Variants in DLGAP1 observed in about 807,000 individuals in gnomAD.
DLGAP1 encodes disks large-associated protein 1.
In DLGAP1, 11 loss-of-function variants were observed where a neutral mutation model predicts 90.8. The observed-to-expected ratio is 0.12, with a 90% CI of 0.08 to 0.20. DLGAP1 has a LOEUF of 0.20. Ranked by LOEUF, DLGAP1 falls within the 10% of genes least tolerant of loss-of-function variation. The pLI is 1.00. For missense variants in DLGAP1, 1,050 were observed against 1,333.8 expected (o/e 0.79, Z 3.31); for synonymous variants, 558 against 540.7 (o/e 1.03, Z -0.44).
At chr18:4,311,498 T>C (rs995792003) in intron 1 of DLGAP1, among the ~76,000 whole-genome samples, 1 of 152,186 alleles carries the variant, frequency 6.6e-6, no homozygotes, top group African/African-American at 2.4e-5. Context: ...TAATATCTTT[T>C]AGTAACAAAT....
At chr18:3,600,493 C>T (rs1199414524) in intron 7 of DLGAP1, among the ~76,000 whole-genome samples, 1 of 151,924 alleles carries the variant, frequency 6.6e-6, no homozygotes, top group Non-Finnish European at 1.5e-5. Flanking sequence ...GCCTCGGCCT[C>T]CCAAAGTGCT....
At chr18:3,539,533 T>C (rs1359846496) in intron 9 of DLGAP1, among the ~76,000 whole-genome samples, 1 of 152,234 alleles carries the variant, frequency 6.6e-6, no homozygotes, top group African/African-American at 2.4e-5. Flanking sequence ...TTGTTAGCAT[T>C]CACTTCTGCT....
intron 5 of DLGAP1, among the ~76,000 whole-genome samples, chr18:3,772,172 C>T (rs866645279): frequency 2.1e-5 from 3 of 145,194 alleles, no homozygotes; most frequent in Admixed American, 6.9e-5. Flanking sequence ...TTCTCTCCTT[C>T]CTTTCTCTCC....
rs181731455 is a variant in DLGAP1, at chr18:3,865,004, C to A, written c.957+14108G>T. 3.3e-5 allele frequency among the ~76,000 whole-genome samples: 5 copies of A among 152,038 alleles called. No individual in the cohort carries two copies. The East Asian group carries it at 9.7e-4, about 29-fold the overall frequency. On this transcript the variant is annotated intron_variant, in intron 4 of 12. Coordinates refer to ENST00000315677, the MANE Select transcript of DLGAP1 (RefSeq NM_004746.4). ...CTCTGGGATATATGAGGCTCATGTA[C>A]CAAGCAGAATTCTGGTTCACAGTAG...
intron 1 of DLGAP1, among the ~76,000 whole-genome samples, chr18:4,180,036 A>G (rs1413316518): frequency 6.6e-6 from 1 of 152,168 alleles, no homozygotes; most frequent in South Asian, 2.1e-4. Context: ...CTGACAGGCA[A>G]TGGAAATCCT....
chr18:3,575,310 ATT>A lies in DLGAP1; in HGVS notation c.1965+6563_1965+6564del, dbSNP rs548489741. On this transcript the variant is annotated intron_variant, in intron 8 of 12. Transcript: ENST00000315677. ...TAAGAGTATGATCTAAAATAACTAA[ATT>A]TTCTTTTATTTTTAATTCAAAGAAT... Among the ~76,000 whole-genome samples the A allele has an allele frequency of 1.3e-3, 201 of 152,294 alleles. 2 individuals carry two copies. The highest frequency in any genetic ancestry group is 4.5e-3 in the African/African-American group (189 of 41,556).
At chr18:3,963,366 G>A (rs1405367007) in intron 3 of DLGAP1, among the ~76,000 whole-genome samples, 3 of 152,156 alleles carry the variant, frequency 2.0e-5, no homozygotes, top group African/African-American at 7.2e-5. Context: ...GCTGGGCCTT[G>A]TGAGGCTGAA....
At chr18:4,026,498 G>A (rs74634929) in intron 2 of DLGAP1, among the ~76,000 whole-genome samples, 2,821 of 152,234 alleles carry the variant, frequency 0.019, 38 homozygotes, top group Non-Finnish European at 0.031. Context: ...CAGGTACTTA[G>A]GGGTTGGATG....
intron 7 of DLGAP1, among the ~76,000 whole-genome samples, chr18:3,667,830 A>G (rs545448368): frequency 1.3e-5 from 2 of 152,322 alleles, no homozygotes; most frequent in African/African-American, 4.8e-5. Context: ...TCCTTGGCCC[A>G]GGTTCCTCTA....
intron 6 of DLGAP1, among the ~76,000 whole-genome samples, chr18:3,735,953 C>T (rs568793161): frequency 0.043 from 6,550 of 150,836 alleles, 477 homozygotes; most frequent in African/African-American, 0.15. Context: ...TTTCTCTCTA[C>T]ACACACACAC....
chr18:4,136,165 T>C (rs2076397931), intron 2 of DLGAP1, among the ~76,000 whole-genome samples: 1 of 152,170 alleles, frequency 6.6e-6, no homozygotes, highest in African/African-American at 2.4e-5. Flanking sequence ...ATTAGGTAGA[T>C]TCCAAATCTT....
At chr18:4,304,066 G>A (rs960802019) in intron 1 of DLGAP1, among the ~76,000 whole-genome samples, 1 of 152,204 alleles carries the variant, frequency 6.6e-6, no homozygotes, top group African/African-American at 2.4e-5. Context: ...ATGCATGGTA[G>A]CAGTTGTTGA....
At chr18:4,451,330 C>G (rs2083823750) in intron 1 of DLGAP1, among the ~76,000 whole-genome samples, 6 of 152,074 alleles carry the variant, frequency 3.9e-5, no homozygotes, top group Admixed American at 3.9e-4. Context: ...ATGTTTTGCT[C>G]TGTAGGTGTG....
In DLGAP1 at chr18:3,581,843, C is replaced by G. The variant is rs767538281; in HGVS notation, c.1965+32G>C. On this transcript the variant is annotated intron_variant, in intron 8 of 12. Coordinates refer to ENST00000315677, the MANE Select transcript of DLGAP1 (RefSeq NM_004746.4). ...TGTTACATTCCTTAGTTTTAAGTTCCTATTTCAAAGGATAGAAAGGGAGGC... is the reference window on the plus strand; with the variant it reads ...TGTTACATTCCTTAGTTTTAAGTTCGTATTTCAAAGGATAGAAAGGGAGGC... The G allele has an allele frequency of 1.4e-5, 22 of 1,602,832 alleles. No individual in the cohort carries two copies. The South Asian group carries it at 2.2e-4, about 16-fold the overall frequency.
intron 6 of DLGAP1, among the ~76,000 whole-genome samples, chr18:3,737,291 T>C (rs1040551308): frequency 1.3e-5 from 2 of 152,238 alleles, no homozygotes; most frequent in African/African-American, 2.4e-5. Context: ...ATCATTCTGA[T>C]ACCAAAGCCT....
chr18:4,359,014 C>T (rs186820818), intron 1 of DLGAP1, among the ~76,000 whole-genome samples: 77 of 152,322 alleles, frequency 5.1e-4, no homozygotes, highest in African/African-American at 1.3e-3. Context: ...ACAGCCTTCC[C>T]TCTCAAACTC....
chr18:4,400,084 C>G (rs934979972), intron 1 of DLGAP1, among the ~76,000 whole-genome samples: 1 of 152,150 alleles, frequency 6.6e-6, no homozygotes, highest in African/African-American at 2.4e-5. Context: ...TTCCCCCACC[C>G]CCCGCCAGGC....
intron 5 of DLGAP1, among the ~76,000 whole-genome samples, chr18:3,772,122 T>G (rs1288923387): frequency 6.6e-6 from 1 of 151,108 alleles, no homozygotes; most frequent in Non-Finnish European, 1.5e-5. Context: ...TTTCCTTTCT[T>G]TCTTTTCTTT....
intron 4 of DLGAP1, among the ~76,000 whole-genome samples, chr18:3,855,890 C>T (rs751552213): frequency 2.0e-5 from 3 of 152,178 alleles, no homozygotes; most frequent in Admixed American, 6.5e-5. Context: ...GGATTACAGG[C>T]GTGAGCCACC....
Sources: allele counts gnomAD v4.1 joint callset (sites outside exome capture counted in the v4.1 genomes callset), GRCh38; gene constraint gnomAD v4.1.1; transcripts MANE v1.5; gene names NCBI Gene and HGNC (gene_info 2026-07-23, HGNC 2026-07-21).